C12orf42: variants seen among roughly 807,000 people sequenced by gnomAD.
The protein encoded by C12orf42 is uncharacterized protein C12orf42.
In C12orf42, 25 loss-of-function variants were observed where a neutral mutation model predicts 21.6. The ratio of observed to expected loss-of-function variants is 1.16; its 90% CI spans 0.84 to 1.62. C12orf42 has a LOEUF of 1.62. Among genes scored for constraint, C12orf42 ranks in the 40% most tolerant of loss-of-function variants. C12orf42 has a pLI of 0.00. For synonymous variants in C12orf42, 174 were observed against 175.0 expected (o/e 0.99, Z 0.05); for missense variants, 483 against 459.3 (o/e 1.05, Z -0.47).
downstream of C12orf42, among the ~76,000 whole-genome samples, chr12:103,234,189 T>C (rs1158367699): frequency 1.3e-5 from 2 of 152,202 alleles, no homozygotes; most frequent in Non-Finnish European, 2.9e-5. Context: ...TCTTTATACA[T>C]TGTTGGTATA....
chr12:103,408,773 T>C (rs1484497382), intron 2 of C12orf42, among the ~76,000 whole-genome samples: 1 of 152,176 alleles, frequency 6.6e-6, no homozygotes, highest in African/African-American at 2.4e-5. Context: ...CCAAAAACTG[T>C]ATATTTTTTG....
the C12orf42 span, among the ~76,000 whole-genome samples, chr12:103,528,598 C>T: frequency 1.3e-5 from 2 of 152,116 alleles, no homozygotes; most frequent in African/African-American, 4.8e-5. Context: ...TCTCTCTTGC[C>T]TCCTCCCTCA....
the C12orf42 span, among the ~76,000 whole-genome samples, chr12:103,133,101 C>T: frequency 1.3e-5 from 2 of 152,292 alleles, no homozygotes; most frequent in Admixed American, 1.3e-4. Context: ...GCCCAGTACA[C>T]CACTGTTAGC....
At chr12:103,145,954 TAGAG>T in the C12orf42 span, among the ~76,000 whole-genome samples, 2 of 150,896 alleles carry the variant, frequency 1.3e-5, no homozygotes, top group Non-Finnish European at 3.0e-5. Context: ...CATATATATA[TAGAG>T]AGAGAGAGAG....
the C12orf42 span, among the ~76,000 whole-genome samples, chr12:103,222,516 CG>C: frequency 6.6e-6 from 1 of 152,174 alleles, no homozygotes; most frequent in Admixed American, 6.5e-5. Flanking sequence ...TGGGCATACA[CG>C]TGCAAGTCAC....
At chr12:103,241,478 TC>T (rs1426582974) in intron 10 of C12orf42, among the ~76,000 whole-genome samples, 2 of 152,178 alleles carry the variant, frequency 1.3e-5, no homozygotes, top group Non-Finnish European at 2.9e-5. Context: ...TGGCAAATTT[TC>T]CTATTTACCT....
chr12:103,402,981 C>T (rs780513390), intron 2 of C12orf42, among the ~76,000 whole-genome samples: 3 of 152,150 alleles, frequency 2.0e-5, no homozygotes, highest in Non-Finnish European at 4.4e-5. Context: ...ATGGGACCCC[C>T]ATTATGTCCT....
At chr12:103,146,205 GCGTGGTGGCTCATGC>G in the C12orf42 span, among the ~76,000 whole-genome samples, 4 of 152,038 alleles carry the variant, frequency 2.6e-5, no homozygotes, top group Non-Finnish European at 5.9e-5. Context: ...ATAGGGCTGG[GCGTGGTGGCTCATGC>G]CTGTAATCCC....
At chr12:103,223,182 T>C in the C12orf42 span, among the ~76,000 whole-genome samples, 1 of 151,868 alleles carries the variant, frequency 6.6e-6, no homozygotes, top group Admixed American at 6.6e-5. Context: ...AGTGTTGGGG[T>C]GGCGAAAATT....
intron 2 of C12orf42, among the ~76,000 whole-genome samples, chr12:103,402,606 TAAAGCAG>T (rs2048096180): frequency 6.6e-6 from 1 of 152,182 alleles, no homozygotes; most frequent in Admixed American, 6.5e-5. Context: ...GATTAGAGTC[TAAAGCAG>T]GAGGTAGTAA....
At chr12:103,331,494 G>C (rs530489647) in intron 4 of C12orf42, among the ~76,000 whole-genome samples, 2 of 152,140 alleles carry the variant, frequency 1.3e-5, no homozygotes, top group African/African-American at 2.4e-5. Flanking sequence ...ACTGTGCAAG[G>C]TTCTGCTCTT....
intron 4 of C12orf42, among the ~76,000 whole-genome samples, chr12:103,356,373 T>C (rs1056719958): frequency 6.6e-6 from 1 of 152,180 alleles, no homozygotes; most frequent in Admixed American, 6.6e-5. Context: ...TCTCCTTTGT[T>C]AACTTCTGTT....
intron 2 of C12orf42, among the ~76,000 whole-genome samples, chr12:103,424,102 A>G: frequency 6.6e-6 from 1 of 152,254 alleles, no homozygotes; most frequent in East Asian, 1.9e-4. Context: ...AAATGCATCT[A>G]CACCAATCAT....
upstream of C12orf42, among the ~76,000 whole-genome samples, chr12:103,499,116 G>A (rs1023889299): frequency 2.0e-5 from 3 of 152,144 alleles, no homozygotes; most frequent in African/African-American, 7.2e-5. Flanking sequence ...TGGGGAGTAA[G>A]GGAAATGGGG....
At chr12:103,414,194 G>A (rs974514813) in intron 2 of C12orf42, among the ~76,000 whole-genome samples, 1 of 152,004 alleles carries the variant, frequency 6.6e-6, no homozygotes, top group African/African-American at 2.4e-5. Context: ...GAGTAAGGTG[G>A]CATCACATTG....
chr12:103,531,722 G>A, the C12orf42 span, among the ~76,000 whole-genome samples: 3 of 152,136 alleles, frequency 2.0e-5, no homozygotes, highest in Admixed American at 1.3e-4. Context: ...CAGTATCAAA[G>A]CCCATCAGTG....
At chr12:103,326,800 C>T (rs1446822065) in intron 4 of C12orf42, among the ~76,000 whole-genome samples, 1 of 152,138 alleles carries the variant, frequency 6.6e-6, no homozygotes, top group Non-Finnish European at 1.5e-5. Context: ...TTACCCTGTT[C>T]CTGATTTACT....
the C12orf42 span, among the ~76,000 whole-genome samples, chr12:103,228,215 G>A: frequency 2.6e-5 from 4 of 152,114 alleles, no homozygotes; most frequent in African/African-American, 9.7e-5. Flanking sequence ...TCAGCAAAGG[G>A]AGATAAGGGT....
At chr12:103,325,096 G>A (rs1371626602) in intron 4 of C12orf42, among the ~76,000 whole-genome samples, 1 of 152,190 alleles carries the variant, frequency 6.6e-6, no homozygotes, top group Non-Finnish European at 1.5e-5. Context: ...CAACTAAGTA[G>A]TGTTTGCATA....
Sources: gnomAD v4.1 joint callset for allele counts (sites outside exome capture counted in the v4.1 genomes callset) on GRCh38, gnomAD v4.1.1 for gene constraint, MANE v1.5 for transcripts, NCBI Gene and HGNC (gene_info 2026-07-23, HGNC 2026-07-21) for gene names.